ANO8: variants seen among roughly 807,000 people sequenced by gnomAD.
ANO8 encodes the protein anoctamin-8.
Under a neutral mutation model 120.4 loss-of-function variants are expected in ANO8, and 67 were observed. The observed-to-expected ratio is 0.56, with a 90% CI of 0.46 to 0.68. The LOEUF (loss-of-function observed/expected upper bound fraction) is 0.68, where lower values mean the gene tolerates loss of function less well. ANO8 is among the 30% of genes least tolerant of loss of function. The pLI is 0.00. For synonymous variants in ANO8, 727 were observed against 759.2 expected (o/e 0.96, Z 0.70); for missense variants, 1,526 against 1,737.6 (o/e 0.88, Z 2.16).
At chr19:17,327,415 C>T in intron 15 of ANO8, 23 bp downstream of exon 15, 1 of 1,585,170 alleles carries the variant, frequency 6.3e-7, no homozygotes, top group East Asian at 2.3e-5. Flanking sequence ...CCCAGCTGCC[C>T]CCGCCCCTGT....
chr19:17,327,253 C>T lies in ANO8; in HGVS notation c.2643G>A (p.Gln881=), dbSNP rs2074278571. ...VAEEMAKLEY[Q]RREAFKRHER... ...CCCCTACCTTAAAGGCCTCGCGGCGCTGGTACTCCAGCTTGGCCATTTCCT... is the reference window on the plus strand; with the variant it reads ...CCCCTACCTTAAAGGCCTCGCGGCGTTGGTACTCCAGCTTGGCCATTTCCT... Residue 881 remains glutamine, a synonymous_variant, in exon 16 of 18, where the codon CAG becomes CAA. Coordinates refer to ENST00000159087, the MANE Select transcript of ANO8 (RefSeq NM_020959.3). 5 of 1,546,608 alleles carry T rather than the reference C, an allele frequency of 3.2e-6. No homozygotes were observed. Among genetic ancestry groups the T allele is most frequent in the Non-Finnish European group, 4.4e-6 (5 of 1,144,800 alleles).
chr19:17,333,212 A>G lies in ANO8; in HGVS notation c.378T>C (p.Gly126=). The G allele has an allele frequency of 1.2e-6, 2 of 1,610,576 alleles. No individual in the cohort carries two copies. Among genetic ancestry groups the G allele is most frequent in the Non-Finnish European group, 1.7e-6 (2 of 1,178,262 alleles). Residue 126 remains glycine, a synonymous_variant, in exon 4 of 18, where the codon GGT becomes GGC. Transcript: ENST00000159087. The surrounding 1 kb of genome is among the most constrained non-coding windows in gnomAD (Gnocchi z 7.2). ...ESLLRGADEL[G]LRKAVKAEFG... ...ACTCGGCCTTCACTGCTTTGCGCAG[A>G]CCCAGCTCGTCGGCCCCTCGGAGTA...
chr19:17,328,712 G>C lies in ANO8; in HGVS notation c.1676C>G (p.Ala559Gly). ...GCGAPEEEEE[A>G]ALVERRRAGE... ...CGCCCGCCGCCGCTCCACCAGCGCCGCCTCCTCCTCCTCCTCCGGCGCCCC... is the reference window on the plus strand; with the variant it reads ...CGCCCGCCGCCGCTCCACCAGCGCCCCCTCCTCCTCCTCCTCCGGCGCCCC... Residue 559 changes from alanine (A) to glycine (G), a missense_variant, in exon 13 of 18, where the codon GCG becomes GGG. Ala to Gly is a moderately conservative substitution (Grantham distance 60, BLOSUM62 0). Coordinates refer to ENST00000159087, the MANE Select transcript of ANO8 (RefSeq NM_020959.3). 1 of 1,245,856 alleles carries C rather than the reference G, an allele frequency of 8.0e-7. No individual in the cohort carries two copies. The highest frequency in any genetic ancestry group is 1.0e-6 in the Non-Finnish European group (1 of 954,916). The allele number at this position is 1,245,856 out of a possible 1,614,324, so 77.2% of individuals were successfully genotyped here. A position where few individuals can be genotyped will look rare whatever the true frequency, so the allele number is the denominator to read the frequency against.
chr19:17,334,422 CGCAGCCGCAGTGCCGGGAGGAGCCG>C (rs1044498609), intron 1 of ANO8, 118 bp downstream of exon 1: 8 of 763,482 alleles, frequency 1.0e-5, no homozygotes, highest in Non-Finnish European at 1.6e-5. Context: ...CCCGCCGGGC[CGCAGCCGCAGTGCCGGGAGGAGCCG>C]GCCCCTCGTC....
At chr19:17,332,645 C>G (rs948089129) in intron 5 of ANO8, among the ~76,000 whole-genome samples, 1 of 152,160 alleles carries the variant, frequency 6.6e-6, no homozygotes, top group Non-Finnish European at 1.5e-5. Context: ...CAAAGCCTCG[C>G]CCCCTCAGCT....
chr19:17,324,435 G>A (rs1472075701), intron 17 of ANO8, among the ~76,000 whole-genome samples: 2 of 152,056 alleles, frequency 1.3e-5, no homozygotes, highest in African/African-American at 2.4e-5. Context: ...CATCTCTCCT[G>A]GCACCGGAGC....
At position 17,328,645 on chromosome 19, in the gene ANO8, C is replaced by A; in HGVS notation, c.1743G>T (p.Lys581Asn). 1 of 1,504,392 alleles carries A rather than the reference C, an allele frequency of 6.6e-7. No homozygotes were observed. 93.2% of individuals were successfully genotyped at this position (1,504,392 alleles called of 1,614,324 possible). Residue 581 changes from lysine to asparagine, a missense_variant, in exon 13 of 18, where the codon AAG (lysine) becomes AAT (asparagine). Transcript: ENST00000159087. ...CCTCCTCGTCGTCCTCGTCCTCCTCCTTGCCCCCTGGAGGCCCGTCCCCCT... is the reference window on the plus strand; with the variant it reads ...CCTCCTCGTCGTCCTCGTCCTCCTCATTGCCCCCTGGAGGCCCGTCCCCCT... ...GEEGDGPPGG[K>N]EEDEDDEEEE...
chr19:17,333,763 G>T lies in ANO8; in HGVS notation c.144C>A (p.Arg48=), dbSNP rs2145692954. The change falls in exon 2 of 18, where the codon CGC becomes CGA. Residue 48 remains arginine, a synonymous_variant. Coordinates refer to ENST00000159087, the MANE Select transcript of ANO8 (RefSeq NM_020959.3). This position sits in a 1 kb window ranked among gnomAD's most constrained non-coding sequence, Gnocchi z 7.2. ...LFGKRLLQAG[R]YLVSHKAWMK... is the part of the protein sequence containing the mutation. ...TCCACGCCTTGTGGGACACCAGGTA[G>T]CGACCAGCCTGCAGGAGCCGCTTTC... 1 of 1,607,380 alleles carries T rather than the reference G, an allele frequency of 6.2e-7. No individual in the cohort carries two copies. Among genetic ancestry groups the T allele is most frequent in the East Asian group, 2.2e-5 (1 of 44,654 alleles).
intron 17 of ANO8, among the ~76,000 whole-genome samples, chr19:17,324,149 C>G (rs1478180109): frequency 6.7e-6 from 1 of 149,728 alleles, no homozygotes; most frequent in Non-Finnish European, 1.5e-5. Context: ...GCAGCTGCCA[C>G]CTGTTGGGCT....
chr19:17,325,919 T>C (rs1018544820), intron 16 of ANO8, among the ~76,000 whole-genome samples: 1 of 152,082 alleles, frequency 6.6e-6, no homozygotes, highest in Admixed American at 6.6e-5. Flanking sequence ...AAAGCGAGAC[T>C]GTCTCAAAAA....
Position 17,333,890 on chromosome 19 carries a change from C to A in ANO8, c.107-90G>T, listed in dbSNP as rs2074340302. 9.4e-7 allele frequency: 1 copy of A among 1,063,462 alleles called. No individual in the cohort carries two copies. Among genetic ancestry groups the A allele is most frequent in the Admixed American group, 2.1e-5 (1 of 48,222 alleles). The allele number at this position is 1,063,462 out of a possible 1,614,324, so 65.9% of individuals were successfully genotyped here. A position where few individuals can be genotyped will look rare whatever the true frequency, so the allele number is the denominator to read the frequency against. On this transcript the variant is annotated intron_variant, in intron 1 of 17. Transcript: ENST00000159087. The surrounding 1 kb of genome is among the most constrained non-coding windows in gnomAD (Gnocchi z 7.2). ...GGCTCCTCCTGCCCCCGCCAGGGCT[C>A]CTCACCACTCCACCTGGCATTCAAG...
At chr19:17,330,093 C>T in intron 10 of ANO8, 32 bp downstream of exon 10, 2 of 1,613,896 alleles carry the variant, frequency 1.2e-6, no homozygotes, top group South Asian at 1.1e-5. Context: ...CAGTGGAGAC[C>T]TTCCTCCCAG....
intron 8 of ANO8, 146 bp downstream of exon 8, chr19:17,330,682 G>T: frequency 7.1e-7 from 1 of 1,406,894 alleles, no homozygotes. Flanking sequence ...TCTCCCCCTG[G>T]GGAGCACACA....
At position 17,330,262 on chromosome 19, in the gene ANO8, AG is replaced by A. The variant is rs766731156; in HGVS notation, c.1147-12del. On this transcript the variant is annotated splice_polypyrimidine_tract_variant and intron_variant, in intron 9 of 17. Transcript: ENST00000159087. ...GCTCAGCACCAGCTCCTGCGGGAGA[AG>A]GGGGTTCAGGGCTCATCCCAGCTGC... 5.0e-6 allele frequency: 8 copies of A among 1,613,854 alleles called. No homozygotes were observed. The East Asian group carries it at 1.3e-4, about 27-fold the overall frequency.
rs1206702165 is a variant in ANO8, at chr19:17,329,293, C to T, written c.1405-310G>A. On this transcript the variant is annotated intron_variant, in intron 12 of 17. Coordinates refer to ENST00000159087, the MANE Select transcript of ANO8 (RefSeq NM_020959.3). ...CCAGCCGCCTGCACCTGCTTGCTGG[C>T]CGCCCCCGACCCCAGATTCCCTCCG... 8 of 376,478 alleles carry T rather than the reference C, an allele frequency of 2.1e-5. No homozygotes were observed. In the East Asian group the frequency reaches 3.2e-4, roughly 15 times the overall value. The allele number at this position is 376,478 out of a possible 1,614,324, so 23.3% of individuals were successfully genotyped here. A position where few individuals can be genotyped will look rare whatever the true frequency, so the allele number is the denominator to read the frequency against.
At chr19:17,329,692 C>T in intron 12 of ANO8, 65 bp downstream of exon 12, 1 of 1,348,258 alleles carries the variant, frequency 7.4e-7, no homozygotes, top group African/African-American at 1.4e-5. Context: ...CCCCTTGTGC[C>T]GGGTCTGGCC....
intron 9 of ANO8, 50 bp downstream of exon 9, chr19:17,330,302 A>C: frequency 6.2e-7 from 1 of 1,612,898 alleles, no homozygotes; most frequent in Non-Finnish European, 8.5e-7. Flanking sequence ...GCTCAGCCCA[A>C]GGTGGAGCTA....
Position 17,330,212 on chromosome 19 carries a change from G to C in ANO8, c.1186C>G (p.Arg396Gly). ...GCCAGCATGACCTTAGGCAGGAATC[G>C]GGCGAGACGGGGCAACCCCTTCACG... The part of the protein sequence containing the change: ...LSVKGLPRLA[R>G]FLPKVMLALL... Residue 396 changes from arginine to glycine, a missense_variant, in exon 10 of 18, where the codon CGA becomes GGA. Transcript: ENST00000159087. 1 of 1,613,968 alleles carries C rather than the reference G, an allele frequency of 6.2e-7. No homozygotes were observed. The highest frequency in any genetic ancestry group is 1.7e-5 in the Admixed American group (1 of 60,016).
chr19:17,323,396 G>A lies in ANO8; in HGVS notation c.*121C>T. The stretch of plus-strand genomic sequence containing the variant: ...TCGTTTGGAAAGGAAAACGGCAGAT[G>A]GGGGGCACCGACCAATACTGGGGGC... On this transcript the variant is annotated 3_prime_UTR_variant, in exon 18 of 18. Coordinates refer to ENST00000159087, the MANE Select transcript of ANO8 (RefSeq NM_020959.3). 1 of 976,786 alleles carries A rather than the reference G, an allele frequency of 1.0e-6. No homozygotes were observed. The highest frequency in any genetic ancestry group is 1.4e-6 in the Non-Finnish European group (1 of 738,300). 60.5% of individuals were successfully genotyped at this position (976,786 alleles called of 1,614,324 possible).
Sources: allele counts gnomAD v4.1 joint callset (sites outside exome capture counted in the v4.1 genomes callset), GRCh38; gene constraint gnomAD v4.1.1; non-coding constraint Gnocchi (gnomAD v3.1); transcripts MANE v1.5; gene names NCBI Gene and HGNC (gene_info 2026-07-23, HGNC 2026-07-21).